Variants in PHACTR4 observed in about 807,000 individuals in gnomAD.
The protein encoded by PHACTR4 is phosphatase and actin regulator 4, also known as protein phosphatase 1, regulatory subunit 124.
A neutral mutation model predicts 72.7 loss-of-function variants in PHACTR4; 51 were observed. The observed-to-expected ratio is 0.70, with a 90% CI of 0.56 to 0.89. PHACTR4 has a LOEUF of 0.89. Among genes scored for constraint, PHACTR4 ranks in the 40% least tolerant of loss-of-function variants. The pLI, the probability that PHACTR4 is intolerant of heterozygous loss-of-function variation, is 0.00. For missense variants in PHACTR4, 731 were observed against 861.8 expected, an observed-to-expected ratio of 0.85 and a Z score of 1.90; for synonymous variants, 255 against 302.5, an observed-to-expected ratio of 0.84 and a Z score of 1.63.
chr1:28,370,995 G>T (rs980851549), intron 1 of PHACTR4, among the ~76,000 whole-genome samples: 5 of 152,184 alleles, frequency 3.3e-5, no homozygotes, highest in African/African-American at 9.7e-5. Context: ...GATTCTTACC[G>T]GAAACCGCGG....
At chr1:28,487,518 C>CAAAAAAAAA (rs796633179) in intron 9 of PHACTR4, among the ~76,000 whole-genome samples, 7 of 77,250 alleles carry the variant, frequency 9.1e-5, no homozygotes, top group Non-Finnish European at 1.6e-4. Context: ...GACACACACA[C>CAAAAAAAAA]AAAAAAAAAA....
chr1:28,378,564 C>A (rs1651884648), intron 1 of PHACTR4, among the ~76,000 whole-genome samples: 1 of 129,112 alleles, frequency 7.7e-6, no homozygotes, highest in Admixed American at 8.3e-5. Context: ...TTCTTTCTCC[C>A]CCCAGCCCCC....
rs190546632 is a variant in PHACTR4 at position 28,486,737 on chromosome 1, T to C, written c.1761-2433T>C. On this transcript the variant is annotated intron_variant, in intron 9 of 13. Coordinates refer to ENST00000373839, the MANE Select transcript of PHACTR4 (RefSeq NM_001048183.3). The stretch of plus-strand genomic sequence containing the variant: ...AGCTGGGCCTAGTGGTGCATGCCTG[T>C]AGTCTCAGCTACTCAGGAGGCTGAG... Among the ~76,000 whole-genome samples the C allele has an allele frequency of 5.1e-3, 776 of 152,078 alleles. 3 individuals are homozygous for C. The highest frequency in any genetic ancestry group is 9.6e-3 in the Admixed American group (146 of 15,258).
At chr1:28,433,392 G>A (rs1656406743) in intron 2 of PHACTR4, among the ~76,000 whole-genome samples, 1 of 151,738 alleles carries the variant, frequency 6.6e-6, no homozygotes, top group African/African-American at 2.4e-5. Context: ...ATGATGGTCA[G>A]GGAACATGTA....
rs1387360909 is a variant in PHACTR4 at position 28,491,647 on chromosome 1, C to T, written c.1879-3C>T. 1 of 1,613,932 alleles carries T rather than the reference C, an allele frequency of 6.2e-7. No individual in the cohort carries two copies. Among genetic ancestry groups the T allele is most frequent in the South Asian group, 1.1e-5 (1 of 91,070 alleles). ...GTGAACTAAGAGGCTCCGTTTCCTT[C>T]AGCTCAGTCAAAGGCCAACTGTCGC... On this transcript the variant is annotated splice_polypyrimidine_tract_variant and splice_region_variant and intron_variant, in intron 11 of 13. Transcript: ENST00000373839.
At chr1:28,397,987 A>G (rs1440765910) in intron 1 of PHACTR4, among the ~76,000 whole-genome samples, 1 of 152,014 alleles carries the variant, frequency 6.6e-6, no homozygotes, top group Admixed American at 6.6e-5. Context: ...TGCTGGGATT[A>G]CAGGCATGAG....
chr1:28,425,949 G>A (rs1487604622), intron 2 of PHACTR4, among the ~76,000 whole-genome samples: 2 of 152,176 alleles, frequency 1.3e-5, no homozygotes, highest in Non-Finnish European at 2.9e-5. Context: ...GGCCGGGCAC[G>A]GTGGCTCACG....
intron 1 of PHACTR4, among the ~76,000 whole-genome samples, chr1:28,394,407 T>G (rs923867329): frequency 6.6e-6 from 1 of 152,068 alleles, no homozygotes; most frequent in African/African-American, 2.4e-5. Flanking sequence ...TGACTTATCA[T>G]CCTGAATAGC....
chr1:28,390,018 C>T (rs983845916), intron 1 of PHACTR4, among the ~76,000 whole-genome samples: 2 of 152,138 alleles, frequency 1.3e-5, no homozygotes, highest in Non-Finnish European at 2.9e-5. Flanking sequence ...ATATACACAA[C>T]GAAATACTAT....
intron 6 of PHACTR4, among the ~76,000 whole-genome samples, chr1:28,473,321 A>G (rs866994893): frequency 4.6e-5 from 7 of 152,022 alleles, no homozygotes; most frequent in Non-Finnish European, 8.8e-5. Flanking sequence ...TGCCATAGCA[A>G]TGAAGTAAGC....
chr1:28,428,016 CAAG>C (rs1009956742), intron 2 of PHACTR4, among the ~76,000 whole-genome samples: 2 of 152,176 alleles, frequency 1.3e-5, no homozygotes, highest in Admixed American at 6.5e-5. Flanking sequence ...AAATCACTGA[CAAG>C]AAAAAAATTT....
intron 2 of PHACTR4, among the ~76,000 whole-genome samples, chr1:28,448,184 G>C (rs1020547836): frequency 9.2e-5 from 14 of 152,234 alleles, no homozygotes; most frequent in African/African-American, 3.4e-4. Context: ...TCACAGTGAA[G>C]TATGTATACC....
chr1:28,408,769 G>A (rs536149472), intron 2 of PHACTR4, among the ~76,000 whole-genome samples: 403 of 151,122 alleles, frequency 2.7e-3, no homozygotes, highest in Non-Finnish European at 4.9e-3. Flanking sequence ...TTGACCTCCC[G>A]GGCTCAGGCA....
chr1:28,413,450 C>T (rs1253676665), intron 2 of PHACTR4, among the ~76,000 whole-genome samples: 1 of 152,146 alleles, frequency 6.6e-6, no homozygotes, highest in African/African-American at 2.4e-5. Context: ...GTGTTAGCTC[C>T]TTTGTTTCCT....
Position 28,453,559 on chromosome 1 carries a change from G to C in PHACTR4, c.17-5526G>C. Reference sequence around the variant, plus strand: ...GGGGAAATGGCGGCTTCACGAGAGAGTGGGACTTGGGCAGCAGAGGCAGCA... The same window carrying C: ...GGGGAAATGGCGGCTTCACGAGAGACTGGGACTTGGGCAGCAGAGGCAGCA... On this transcript the variant is annotated intron_variant, in intron 2 of 13. Transcript: ENST00000373839. 4.2e-6 allele frequency: 3 copies of C among 722,258 alleles called. No individual in the cohort carries two copies. The South Asian group carries it at 5.1e-5, about 12-fold the overall frequency. 44.7% of individuals were successfully genotyped at this position (722,258 alleles called of 1,614,324 possible).
intron 1 of PHACTR4, among the ~76,000 whole-genome samples, chr1:28,404,109 T>C (rs1354120795): frequency 6.6e-6 from 1 of 151,710 alleles, no homozygotes. Context: ...GCCACCATGC[T>C]CAAGTAATTT....
chr1:28,484,648 C>T (rs1289562160), intron 9 of PHACTR4, among the ~76,000 whole-genome samples: 2 of 145,318 alleles, frequency 1.4e-5, no homozygotes, highest in Non-Finnish European at 3.0e-5. Context: ...TAAACTCTCT[C>T]TTTTTTTTTT....
intron 9 of PHACTR4, among the ~76,000 whole-genome samples, chr1:28,483,226 T>A (rs1660392291): frequency 6.6e-6 from 1 of 151,326 alleles, no homozygotes; most frequent in African/African-American, 2.4e-5. Context: ...AGACCCTGTC[T>A]CGACAAAAAA....
At chr1:28,478,911 C>T (rs1660093101) in intron 8 of PHACTR4, among the ~76,000 whole-genome samples, 1 of 152,290 alleles carries the variant, frequency 6.6e-6, no homozygotes. Flanking sequence ...CATGAGCCAC[C>T]TCATTTGGCC....
Sources: allele counts gnomAD v4.1 joint callset (sites outside exome capture counted in the v4.1 genomes callset), GRCh38; gene constraint gnomAD v4.1.1; transcripts MANE v1.5; gene names NCBI Gene and HGNC (gene_info 2026-07-23, HGNC 2026-07-21).